The following CEP120 variants were observed in gnomAD, a reference collection of about 807,000 sequenced individuals.
CEP120 encodes centrosomal protein of 120 kDa.
CEP120 carries 113 observed loss-of-function variants against 126.5 expected under a neutral mutation model. That is an observed-to-expected ratio of 0.89 (90% CI 0.77 to 1.04). The LOEUF (loss-of-function observed/expected upper bound fraction) is 1.04. Among genes scored for constraint, CEP120 ranks in the 50% least tolerant of loss-of-function variants. The pLI is 0.00. For missense variants in CEP120, 1,230 were observed against 1,155.7 expected, an observed-to-expected ratio of 1.06 and a Z score of -0.93; for synonymous variants, 400 against 394.3, an observed-to-expected ratio of 1.01 and a Z score of -0.17.
chr5:123,412,433 A>C lies in CEP120; in HGVS notation c.429T>G (p.Phe143Leu). Residue 143 changes from phenylalanine to leucine, a missense_variant, in exon 4 of 20, where the codon TTT (phenylalanine) becomes TTG (leucine). Transcript: ENST00000306467. ...CTCGAGGGGGAGCCCCCTTTGCTTT[A>C]AAGCTATCCACTGGTGGCTTTGTAT... ...ETDTKPPVDS[F>L]KAKGAPPRDG... 1 of 1,610,698 alleles carries C rather than the reference A, an allele frequency of 6.2e-7. No individual in the cohort carries two copies. Among genetic ancestry groups the C allele is most frequent in the Non-Finnish European group, 8.5e-7 (1 of 1,178,896 alleles).
Position 123,419,980 on chromosome 5 carries a change from G to A in CEP120, c.50-1465C>T, listed in dbSNP as rs1264212681. Among the ~76,000 whole-genome samples, 3 of 152,198 alleles carry A rather than the reference G, an allele frequency of 2.0e-5. No homozygotes were observed. The South Asian group carries it at 6.2e-4, about 32-fold the overall frequency. ...TCCATTGATTAATGAAGAAATCCCT[G>A]CTGCTACTCACCCTGGTACAAGCTA... On this transcript the variant is annotated intron_variant, in intron 1 of 19. Coordinates refer to ENST00000306467, the MANE Select transcript of CEP120 (RefSeq NM_001375405.1).
rs749327918 is a variant in CEP120, at chr5:123,377,445, T to C, written c.2287A>G (p.Ile763Val). Residue 763 changes from isoleucine to valine, a missense_variant, in exon 16 of 20, where the codon ATT becomes GTT. Ile to Val is a conservative substitution (Grantham distance 29). Coordinates refer to ENST00000306467, the MANE Select transcript of CEP120 (RefSeq NM_001375405.1). ...DSIRRAKEDC[I>V]HQVELERLKI... ...AACCTTTCTAGTTCTACTTGGTGAA[T>C]ACAGTCCTCTTTGGCCCTACGGATA... The C allele has an allele frequency of 1.2e-6, 2 of 1,612,132 alleles. No individual in the cohort carries two copies. Among genetic ancestry groups the C allele is most frequent in the South Asian group, 1.1e-5 (1 of 90,724 alleles).
At chr5:123,387,062 T>A (rs1772081082) in intron 9 of CEP120, among the ~76,000 whole-genome samples, 1 of 152,116 alleles carries the variant, frequency 6.6e-6, no homozygotes. Context: ...ATGCAAACAA[T>A]TCGAATGTAT....
Position 123,412,386 on chromosome 5 carries a change from A to G in CEP120, c.463+13T>C, listed in dbSNP as rs1562092291. ...AACTTCTCAGAGAATGTTTTTAGAG[A>G]TGATGCACAAACCTTTTCCATCTCG... On this transcript the variant is annotated intron_variant, in intron 4 of 19. Coordinates refer to ENST00000306467, the MANE Select transcript of CEP120 (RefSeq NM_001375405.1). 1.3e-6 allele frequency: 2 copies of G among 1,589,036 alleles called. No individual in the cohort carries two copies. Among genetic ancestry groups the G allele is most frequent in the Non-Finnish European group, 1.7e-6 (2 of 1,172,030 alleles).
intron 18 of CEP120, 32 bp downstream of exon 18, chr5:123,364,464 G>T (rs369169004): frequency 4.2e-6 from 6 of 1,418,548 alleles, no homozygotes; most frequent in Middle Eastern, 1.8e-4. Flanking sequence ...AAGGGAAAAA[G>T]ATATAAAAAG....
chr5:123,391,672 C>CA (rs1006538284), intron 6 of CEP120, among the ~76,000 whole-genome samples: 25 of 151,462 alleles, frequency 1.7e-4, no homozygotes, highest in South Asian at 2.1e-4. Context: ...TGAATTTAAA[C>CA]AAAAAAAACA....
chr5:123,403,266 C>T (rs1050336168), intron 4 of CEP120: 6 of 455,748 alleles, frequency 1.3e-5, no homozygotes, highest in Non-Finnish European at 2.6e-5. Context: ...CGAAAGGAAG[C>T]AGGGCTCCTT....
chr5:123,358,823 G>C (rs2126988593), intron 18 of CEP120, among the ~76,000 whole-genome samples: 1 of 152,056 alleles, frequency 6.6e-6, no homozygotes, highest in African/African-American at 2.4e-5. Flanking sequence ...ATCCAGAAAG[G>C]AGATGTAAAC....
intron 2 of CEP120, among the ~76,000 whole-genome samples, chr5:123,416,662 A>G (rs943305474): frequency 2.0e-5 from 3 of 152,156 alleles, no homozygotes; most frequent in East Asian, 1.9e-4. Flanking sequence ...AATATTATAC[A>G]AAACATGTCA....
chr5:123,390,193 T>C, intron 7 of CEP120, 53 bp from the exon 8 acceptor site: 1 of 1,279,084 alleles, frequency 7.8e-7, no homozygotes, highest in Non-Finnish European at 1.1e-6. Context: ...TCCTTCATAA[T>C]TAAGCAAAAA....
At chr5:123,390,667 CAAAT>C (rs1287441082) in intron 7 of CEP120, among the ~76,000 whole-genome samples, 1 of 151,980 alleles carries the variant, frequency 6.6e-6, no homozygotes, top group African/African-American at 2.4e-5. Context: ...AATACACGGC[CAAAT>C]AAATGATCAT....
chr5:123,368,885 A>C (rs1770657325), intron 17 of CEP120, among the ~76,000 whole-genome samples: 1 of 152,016 alleles, frequency 6.6e-6, no homozygotes. Context: ...GAGATTTGTA[A>C]AATAGTAAAA....
Position 123,423,296 on chromosome 5 carries a change from T to G in CEP120, c.-298A>C. On this transcript the variant is annotated 5_prime_UTR_variant, in exon 1 of 20. Coordinates refer to ENST00000306467, the MANE Select transcript of CEP120 (RefSeq NM_001375405.1). Reference sequence around the variant, plus strand: ...ACCCGAGGACCTTTTGCCGCCTGCGTAGCCGCTTTTCAAACGCCCGGGCGG... The same window carrying G: ...ACCCGAGGACCTTTTGCCGCCTGCGGAGCCGCTTTTCAAACGCCCGGGCGG... 2.3e-6 allele frequency: 1 copy of G among 429,592 alleles called. No individual in the cohort carries two copies. Among genetic ancestry groups the G allele is most frequent in the Non-Finnish European group, 4.1e-6 (1 of 241,076 alleles). The allele number at this position is 429,592 out of a possible 1,614,324, so 26.6% of individuals were successfully genotyped here. A position where few individuals can be genotyped will look rare whatever the true frequency, so the allele number is the denominator to read the frequency against.
In CEP120 at chr5:123,399,288, T is replaced by C. The variant is rs1773013493; in HGVS notation, c.464-4A>G. The C allele has an allele frequency of 9.3e-6, 15 of 1,613,480 alleles. No homozygotes were observed. The highest frequency in any genetic ancestry group is 1.2e-5 in the Non-Finnish European group (14 of 1,179,710). On this transcript the variant is annotated splice_polypyrimidine_tract_variant and splice_region_variant and intron_variant, in intron 4 of 19. Transcript: ENST00000306467. ...AGTCCAGCCAGGATGGCAGGTACTT[T>C]ACAGAGAAAAACACGATTAAACTAC...
At chr5:123,354,044 A>C (rs1769388652) in intron 18 of CEP120, among the ~76,000 whole-genome samples, 1 of 152,114 alleles carries the variant, frequency 6.6e-6, no homozygotes, top group African/African-American at 2.4e-5. Flanking sequence ...TTTTCTAAAC[A>C]CAACTGTGGT....
intron 3 of CEP120, 106 bp downstream of exon 3, chr5:123,415,904 T>C: frequency 2.8e-6 from 2 of 716,528 alleles, no homozygotes; most frequent in South Asian, 3.8e-5. Flanking sequence ...CTCAAGTCTA[T>C]GACTGATCAG....
intron 16 of CEP120, among the ~76,000 whole-genome samples, chr5:123,376,675 C>G (rs950332921): frequency 6.6e-6 from 1 of 151,988 alleles, no homozygotes; most frequent in African/African-American, 2.4e-5. Flanking sequence ...GTTTTAAATG[C>G]CTTTAAGACA....
intron 8 of CEP120, among the ~76,000 whole-genome samples, chr5:123,389,182 G>C (rs1418437213): frequency 6.6e-6 from 1 of 152,072 alleles, no homozygotes; most frequent in African/African-American, 2.4e-5. Flanking sequence ...AACTATAACT[G>C]CAATGGATGG....
At position 123,389,975 on chromosome 5, in the gene CEP120, T is replaced by C; in HGVS notation, c.1204A>G (p.Ser402Gly). Residue 402 changes from serine (S) to glycine (G), a missense_variant, in exon 8 of 20, where the codon AGT becomes GGT. Transcript: ENST00000306467. Reference sequence around the variant, plus strand: ...TCATACTGTAAACTTTCCACTTCACTTTCTGTTGCATCATCTTTTGTTGGA... The same window carrying C: ...TCATACTGTAAACTTTCCACTTCACCTTCTGTTGCATCATCTTTTGTTGGA... The part of the protein sequence containing the change: ...SPPTKDDATE[S>G]EVESLQYDKD... The C allele has an allele frequency of 6.2e-7, 1 of 1,614,208 alleles. No individual in the cohort carries two copies. The highest frequency in any genetic ancestry group is 8.5e-7 in the Non-Finnish European group (1 of 1,180,034).
Sources: allele counts gnomAD v4.1 joint callset (sites outside exome capture counted in the v4.1 genomes callset), GRCh38; gene constraint gnomAD v4.1.1; transcripts MANE v1.5; gene names NCBI Gene and HGNC (gene_info 2026-07-23, HGNC 2026-07-21).